Variants in ZNF609 observed in about 807,000 individuals in gnomAD.
ZNF609 encodes the protein zinc finger protein 609.
In ZNF609, 11 loss-of-function variants were observed where a neutral mutation model predicts 109.5. That is an observed-to-expected ratio of 0.10 (90% CI 0.06 to 0.17). ZNF609 has a LOEUF of 0.17. Among genes scored for constraint, ZNF609 ranks in the 10% least tolerant of loss-of-function variants. ZNF609 has a pLI of 1.00. For synonymous variants in ZNF609, 646 were observed against 662.0 expected, an observed-to-expected ratio of 0.98 and a Z score of 0.37; for missense variants, 1,559 against 1,772.4, an observed-to-expected ratio of 0.88 and a Z score of 2.16.
At chr15:64,577,049 A>AATATATATGTGT (rs1567019110) in intron 2 of ZNF609, among the ~76,000 whole-genome samples, 4 of 105,108 alleles carry the variant, frequency 3.8e-5, no homozygotes, top group South Asian at 2.4e-4. Context: ...TATACACATA[A>AATATATATGTGT]ATATATACAT....
chr15:64,578,904 TG>T (rs1474491128), intron 2 of ZNF609, among the ~76,000 whole-genome samples: 1 of 151,946 alleles, frequency 6.6e-6, no homozygotes, highest in Non-Finnish European at 1.5e-5. Context: ...AGAGGCTGAT[TG>T]GTGGGTGGAT....
rs115811311 is a variant in ZNF609 at position 64,536,080 on chromosome 15, G to T, written c.747+35914G>T. Among the ~76,000 whole-genome samples, 364 of 152,062 alleles carry T rather than the reference G, an allele frequency of 2.4e-3. 2 individuals are homozygous for T. Among genetic ancestry groups the T allele is most frequent in the African/African-American group, 8.5e-3 (352 of 41,452 alleles). On this transcript the variant is annotated intron_variant, in intron 2 of 9. Coordinates refer to ENST00000326648, the MANE Select transcript of ZNF609 (RefSeq NM_015042.2). ...TTTTTTAGAGACAGGGTCTCACTCT[G>T]TGGCACAGAGTGCCATTGTAGCTTT...
intron 2 of ZNF609, among the ~76,000 whole-genome samples, chr15:64,548,027 A>T (rs1442021204): frequency 6.6e-6 from 1 of 152,202 alleles, no homozygotes; most frequent in Non-Finnish European, 1.5e-5. Context: ...TTTGATGAGG[A>T]TTATCTCAAG....
chr15:64,589,952 A>ATGGT (rs1895265280), intron 2 of ZNF609, among the ~76,000 whole-genome samples: 19 of 152,214 alleles, frequency 1.2e-4, no homozygotes, highest in Admixed American at 1.2e-3. Context: ...ACTGGTAAAA[A>ATGGT]ATTAGATGTG....
chr15:64,667,316 A>C (rs1896663166), intron 3 of ZNF609, among the ~76,000 whole-genome samples: 1 of 152,216 alleles, frequency 6.6e-6, no homozygotes, highest in Non-Finnish European at 1.5e-5. Context: ...ATGTCCTAGA[A>C]GTGCCAAATC....
In ZNF609 at chr15:64,683,508, T is replaced by C. The variant is rs1445301382; in HGVS notation, c.*1822T>C. The C allele has an allele frequency of 6.6e-6, 1 of 152,620 alleles. No homozygotes were observed. Among genetic ancestry groups the C allele is most frequent in the Non-Finnish European group, 1.5e-5 (1 of 68,152 alleles). 9.5% of individuals were successfully genotyped at this position (152,620 alleles called of 1,614,324 possible). A position where few individuals can be genotyped will look rare whatever the true frequency, so the allele number is the denominator to read the frequency against. On this transcript the variant is annotated 3_prime_UTR_variant, in exon 10 of 10. Coordinates refer to ENST00000326648, the MANE Select transcript of ZNF609 (RefSeq NM_015042.2). ...GGTTCTGAGTCCTCCCCAAAAACCA[T>C]TGTTTTAGACCTCTTGGCAGGGCCC... is the stretch of plus-strand genomic sequence containing the variant.
At chr15:64,483,044 G>T (rs1893277966) in intron 1 of ZNF609, among the ~76,000 whole-genome samples, 1 of 151,866 alleles carries the variant, frequency 6.6e-6, no homozygotes, top group Non-Finnish European at 1.5e-5. Flanking sequence ...TCATATTGCT[G>T]GAGGAATATT....
intron 3 of ZNF609, among the ~76,000 whole-genome samples, chr15:64,655,263 G>A (rs1896474403): frequency 6.6e-6 from 1 of 151,070 alleles, no homozygotes; most frequent in Admixed American, 6.6e-5. Context: ...GACCAGCATG[G>A]AGAAACCCCG....
rs553831191 is a variant in ZNF609, at chr15:64,662,237, G to T, written c.974-8109G>T. Among the ~76,000 whole-genome samples, 11 of 152,310 alleles carry T rather than the reference G, an allele frequency of 7.2e-5. No individual in the cohort carries two copies. In the South Asian group the frequency reaches 1.9e-3, roughly 26 times the overall value. On this transcript the variant is annotated intron_variant, in intron 3 of 9. Transcript: ENST00000326648. ...AGAAATCCCAGAGAGAAAGCAAGGA[G>T]GAACCCCCAATAATACCTTTTATCA...
At chr15:64,528,402 A>T (rs111770704) in intron 2 of ZNF609, among the ~76,000 whole-genome samples, 3,152 of 150,236 alleles carry the variant, frequency 0.021, 121 homozygotes, top group African/African-American at 0.07. Context: ...TATTATTATT[A>T]TTATTTTTAA....
chr15:64,653,135 G>A (rs1274786050), intron 3 of ZNF609: 1 of 152,186 alleles, frequency 6.6e-6, no homozygotes, highest in Non-Finnish European at 1.5e-5. Flanking sequence ...GCTGAAGATA[G>A]CTACTATAAA....
At chr15:64,655,438 C>T (rs1197487991) in intron 3 of ZNF609, among the ~76,000 whole-genome samples, 5 of 151,610 alleles carry the variant, frequency 3.3e-5, no homozygotes, top group Non-Finnish European at 5.9e-5. Flanking sequence ...CTCCATCCCC[C>T]GCAAAAAATC....
At chr15:64,671,102 C>T (rs1478860580) in intron 4 of ZNF609, among the ~76,000 whole-genome samples, 3 of 140,916 alleles carry the variant, frequency 2.1e-5, no homozygotes, top group East Asian at 2.2e-4. Context: ...CCCAGCTACT[C>T]GGGAGGCTGA....
At chr15:64,627,392 A>T (rs1019111969) in intron 3 of ZNF609, among the ~76,000 whole-genome samples, 1 of 152,130 alleles carries the variant, frequency 6.6e-6, no homozygotes, top group Non-Finnish European at 1.5e-5. Context: ...GTTCTAGGAG[A>T]TGCTATAGGT....
chr15:64,482,687 G>A (rs1038762489), intron 1 of ZNF609, among the ~76,000 whole-genome samples: 9 of 152,268 alleles, frequency 5.9e-5, no homozygotes, highest in African/African-American at 2.2e-4. Context: ...TGGCGTCAAG[G>A]CAATGGGTTA....
At chr15:64,596,005 T>A (rs920330913) in intron 2 of ZNF609, among the ~76,000 whole-genome samples, 2 of 152,180 alleles carry the variant, frequency 1.3e-5, no homozygotes, top group African/African-American at 4.8e-5. Context: ...ATTTGTGAAA[T>A]CACTGGATAA....
intron 2 of ZNF609, among the ~76,000 whole-genome samples, chr15:64,617,118 A>G (rs1895812396): frequency 1.3e-5 from 2 of 151,970 alleles, no homozygotes; most frequent in African/African-American, 4.8e-5. Context: ...TTAAACTGCT[A>G]TGTAAAGGTA....
intron 2 of ZNF609, among the ~76,000 whole-genome samples, chr15:64,604,803 T>TTTAATTTA (rs1167440404): frequency 1.8e-4 from 28 of 151,942 alleles, no homozygotes; most frequent in African/African-American, 6.8e-4. Flanking sequence ...CTTTATTTAA[T>TTTAATTTA]TTAATTTATT....
chr15:64,635,697 A>G (rs1322001928), intron 3 of ZNF609, among the ~76,000 whole-genome samples: 1 of 152,224 alleles, frequency 6.6e-6, no homozygotes, highest in East Asian at 1.9e-4. Flanking sequence ...TGTAACAATG[A>G]TAGGCAGAAG....
Sources: allele counts gnomAD v4.1 joint callset (sites outside exome capture counted in the v4.1 genomes callset), GRCh38; gene constraint gnomAD v4.1.1; transcripts MANE v1.5; gene names NCBI Gene and HGNC (gene_info 2026-07-23, HGNC 2026-07-21).